Variants in TMEM177 observed in about 807,000 individuals in gnomAD.
The protein encoded by TMEM177 is transmembrane protein 177.
A neutral mutation model predicts 14.2 loss-of-function variants in TMEM177; 4 were observed. That is an observed-to-expected ratio of 0.28 (90% CI 0.14 to 0.64). TMEM177 has a LOEUF of 0.64. Ranked by LOEUF, TMEM177 falls within the 30% of genes least tolerant of loss-of-function variation. The pLI is 0.82. For synonymous variants in TMEM177, 179 were observed against 174.5 expected, an observed-to-expected ratio of 1.03 and a Z score of -0.20; for missense variants, 344 against 405.2, an observed-to-expected ratio of 0.85 and a Z score of 1.30.
chr2:119,719,176 A>G, the TMEM177 span, among the ~76,000 whole-genome samples: 1 of 152,150 alleles, frequency 6.6e-6, no homozygotes, highest in Non-Finnish European at 1.5e-5. Flanking sequence ...TGTATCCCAG[A>G]AGCTGCCCTC....
chr2:119,686,722 G>A (rs1265703717), downstream of TMEM177, among the ~76,000 whole-genome samples: 1 of 151,624 alleles, frequency 6.6e-6, no homozygotes, highest in Admixed American at 6.6e-5. Context: ...GCACCACCAT[G>A]CCCAGCTAAT....
At chr2:119,701,902 G>A in the TMEM177 span, among the ~76,000 whole-genome samples, 1 of 152,216 alleles carries the variant, frequency 6.6e-6, no homozygotes, top group Non-Finnish European at 1.5e-5. Context: ...GGGTGGGACA[G>A]CAGAACAGGT....
the TMEM177 span, among the ~76,000 whole-genome samples, chr2:119,713,170 AG>A: frequency 1.3e-5 from 2 of 152,014 alleles, no homozygotes; most frequent in African/African-American, 4.8e-5. Flanking sequence ...CCCGGGTTCA[AG>A]TGATTCTCCT....
the TMEM177 span, among the ~76,000 whole-genome samples, chr2:119,691,709 C>G: frequency 3.3e-5 from 5 of 152,152 alleles, no homozygotes; most frequent in African/African-American, 1.2e-4. Context: ...TGGGGAGGCC[C>G]CAGAGGTCCT....
At chr2:119,685,746 TG>T (rs1349245543), downstream of TMEM177, 24 of 717,832 alleles carry the variant, frequency 3.3e-5, no homozygotes, top group Middle Eastern at 2.3e-4. Context: ...GCTGGCAGTC[TG>T]GTTCCAGGTA....
At chr2:119,703,293 A>T in the TMEM177 span, among the ~76,000 whole-genome samples, 1 of 152,098 alleles carries the variant, frequency 6.6e-6, no homozygotes, top group Non-Finnish European at 1.5e-5. Context: ...GTTTCCAGGG[A>T]CCTCTTGGGA....
At chr2:119,685,312 C>T (rs756183813), downstream of TMEM177, among the ~76,000 whole-genome samples, 6 of 150,374 alleles carry the variant, frequency 4.0e-5, no homozygotes, top group East Asian at 3.9e-4. Context: ...AGAGTCATGG[C>T]GCTGATGCTG....
At chr2:119,695,915 A>G in the TMEM177 span, among the ~76,000 whole-genome samples, 1,114 of 152,298 alleles carry the variant, frequency 7.3e-3, 3 homozygotes, top group Middle Eastern at 0.027. Context: ...CAGCAGCAAA[A>G]GAAGGGGACT....
intron 1 of TMEM177, among the ~76,000 whole-genome samples, chr2:119,679,992 G>C (rs1688853633): frequency 6.6e-6 from 1 of 152,184 alleles, no homozygotes; most frequent in Non-Finnish European, 1.5e-5. Flanking sequence ...GGTGTTAACA[G>C]GGTTGGTGTC....
chr2:119,703,679 G>T, the TMEM177 span, among the ~76,000 whole-genome samples: 21 of 152,138 alleles, frequency 1.4e-4, no homozygotes, highest in South Asian at 4.2e-3. Context: ...GGATCACCCC[G>T]ACTCCCTTCC....
chr2:119,712,268 G>A, the TMEM177 span, among the ~76,000 whole-genome samples: 1 of 151,984 alleles, frequency 6.6e-6, no homozygotes, highest in Non-Finnish European at 1.5e-5. Context: ...GTGGCTCTGC[G>A]GTGCCCAACA....
At position 119,681,212 on chromosome 2, in the gene TMEM177, A is replaced by C. The variant is rs1310161647; in HGVS notation, c.359A>C (p.His120Pro). The C allele has an allele frequency of 6.2e-7, 1 of 1,614,096 alleles. No individual in the cohort carries two copies. Among genetic ancestry groups the C allele is most frequent in the African/African-American group, 1.3e-5 (1 of 74,932 alleles). ...FLGDLVINTN[H>P]PVVIHGHTVD... ...GGAGACCTAGTGATCAACACTAACC[A>C]TCCCGTGGTCATACATGGGCATACA... Residue 120 changes from histidine (H) to proline (P), a missense_variant, in exon 2 of 2, where the codon CAT (histidine) becomes CCT (proline). Coordinates refer to ENST00000272521, the MANE Select transcript of TMEM177 (RefSeq NM_030577.3).
chr2:119,681,809 C>T lies in TMEM177; in HGVS notation c.*20C>T. The T allele has an allele frequency of 6.3e-7, 1 of 1,597,750 alleles. No homozygotes were observed. The highest frequency in any genetic ancestry group is 8.6e-7 in the Non-Finnish European group (1 of 1,169,356). ...TCCTGATGGGCTCATCACAAGGACA[C>T]TTCCAGCTTGTGCAGACACCACCCT... On this transcript the variant is annotated 3_prime_UTR_variant, in exon 2 of 2. Coordinates refer to ENST00000272521, the MANE Select transcript of TMEM177 (RefSeq NM_030577.3).
chr2:119,692,094 CCCTT>C, the TMEM177 span, among the ~76,000 whole-genome samples: 1 of 152,236 alleles, frequency 6.6e-6, no homozygotes, highest in Non-Finnish European at 1.5e-5. Flanking sequence ...AGCCTGGAGA[CCCTT>C]CACTTCCTCT....
chr2:119,693,300 C>T, the TMEM177 span, among the ~76,000 whole-genome samples: 1 of 152,182 alleles, frequency 6.6e-6, no homozygotes, highest in Non-Finnish European at 1.5e-5. Flanking sequence ...GGGTTTGACG[C>T]AGTAGCACAC....
At chr2:119,693,940 A>AC in the TMEM177 span, among the ~76,000 whole-genome samples, 1 of 149,812 alleles carries the variant, frequency 6.7e-6, no homozygotes. Context: ...CACATCACAC[A>AC]AGCCACACAC....
chr2:119,696,824 G>A, the TMEM177 span, among the ~76,000 whole-genome samples: 1 of 152,156 alleles, frequency 6.6e-6, no homozygotes, highest in African/African-American at 2.4e-5. Context: ...CAGGGAGGTC[G>A]GGGAGGCAGG....
the TMEM177 span, among the ~76,000 whole-genome samples, chr2:119,704,095 A>G: frequency 6.6e-6 from 1 of 152,252 alleles, no homozygotes; most frequent in African/African-American, 2.4e-5. Context: ...CCTCACAGCA[A>G]TGCAGTGGAA....
the TMEM177 span, among the ~76,000 whole-genome samples, chr2:119,709,479 C>A: frequency 6.6e-6 from 1 of 152,106 alleles, no homozygotes; most frequent in Non-Finnish European, 1.5e-5. Context: ...AGTCCAAGAC[C>A]AGCCTGGGCA....
Sources: gnomAD v4.1 joint callset for allele counts (sites outside exome capture counted in the v4.1 genomes callset) on GRCh38, gnomAD v4.1.1 for gene constraint, MANE v1.5 for transcripts, NCBI Gene and HGNC (gene_info 2026-07-23, HGNC 2026-07-21) for gene names.